NPSR1: variants seen among roughly 807,000 people sequenced by gnomAD.
NPSR1 encodes the protein neuropeptide S receptor.
NPSR1 carries 48 observed loss-of-function variants against 46.9 expected under a neutral mutation model. The observed-to-expected ratio is 1.02, with a 90% confidence interval of 0.81 to 1.30. NPSR1 has a LOEUF of 1.30. Ranked by LOEUF, NPSR1 falls within the 50% of genes most tolerant of loss-of-function variation. The pLI is 0.00. For missense variants in NPSR1, 450 were observed against 449.5 expected, an observed-to-expected ratio of 1.00 and a Z score of -0.01; for synonymous variants, 176 against 168.1, an observed-to-expected ratio of 1.05 and a Z score of -0.36.
rs1400081461 is a variant in NPSR1 at position 34,849,560 on chromosome 7, T to C, written c.1026-5T>C. The C allele has an allele frequency of 1.2e-6, 2 of 1,614,060 alleles. No individual in the cohort carries two copies. Among genetic ancestry groups the C allele is most frequent in the Non-Finnish European group, 1.7e-6 (2 of 1,179,896 alleles). On this transcript the variant is annotated splice_polypyrimidine_tract_variant and splice_region_variant and intron_variant, in intron 8 of 8. Transcript: ENST00000360581. Reference sequence around the variant, plus strand: ...CCCTCCCTGCTTTATTTTGACTTTCTCCAGGGAGCAAAGATCACAGGATTC... The same window carrying C: ...CCCTCCCTGCTTTATTTTGACTTTCCCCAGGGAGCAAAGATCACAGGATTC...
chr7:34,855,153 G>C (rs1000911171), intron 8 of NPSR1, among the ~76,000 whole-genome samples: 5 of 151,942 alleles, frequency 3.3e-5, no homozygotes, highest in Admixed American at 2.0e-4. Flanking sequence ...AAAGAAAAAA[G>C]AGAAGGATTA....
intron 3 of NPSR1, among the ~76,000 whole-genome samples, chr7:34,804,635 C>T (rs558650155): frequency 6.6e-6 from 1 of 151,614 alleles, no homozygotes; most frequent in East Asian, 2.0e-4. Flanking sequence ...TGTCCTCTCT[C>T]GCCACTCCCA....
At chr7:34,845,882 G>C (rs1235064472) in intron 7 of NPSR1, among the ~76,000 whole-genome samples, 2 of 152,074 alleles carry the variant, frequency 1.3e-5, no homozygotes, top group Non-Finnish European at 2.9e-5. Context: ...TTTTTATTTA[G>C]CTTAAATACC....
At chr7:34,660,716 A>G (rs1583751110) in intron 1 of NPSR1, among the ~76,000 whole-genome samples, 1 of 152,310 alleles carries the variant, frequency 6.6e-6, no homozygotes, top group Non-Finnish European at 1.5e-5. Flanking sequence ...TCTGTGAAGT[A>G]TCTCATTTAA....
At chr7:34,788,351 G>GA (rs1023166447) in intron 3 of NPSR1, among the ~76,000 whole-genome samples, 8 of 148,076 alleles carry the variant, frequency 5.4e-5, no homozygotes, top group South Asian at 2.1e-4. Flanking sequence ...TAGAAGAAAG[G>GA]AAAAAAAACA....
chr7:34,795,755 AG>A (rs1788143988), intron 3 of NPSR1, among the ~76,000 whole-genome samples: 1 of 152,168 alleles, frequency 6.6e-6, no homozygotes, highest in Non-Finnish European at 1.5e-5. Context: ...AAGTAATCAA[AG>A]AAAAACTAAA....
intron 6 of NPSR1, among the ~76,000 whole-genome samples, chr7:34,843,000 C>T (rs940181140): frequency 3.9e-5 from 6 of 152,160 alleles, no homozygotes; most frequent in African/African-American, 1.4e-4. Flanking sequence ...TCACTCTCTG[C>T]CTCCCACCTC....
intron 3 of NPSR1, among the ~76,000 whole-genome samples, chr7:34,788,506 G>T (rs906289154): frequency 3.3e-5 from 5 of 151,806 alleles, no homozygotes; most frequent in Non-Finnish European, 5.9e-5. Context: ...ATAGATGAGG[G>T]GTTGCTACAT....
intron 2 of NPSR1, among the ~76,000 whole-genome samples, chr7:34,722,243 C>G (rs1435320392): frequency 2.0e-5 from 3 of 151,906 alleles, no homozygotes; most frequent in Admixed American, 2.0e-4. Flanking sequence ...CTTATATGGA[C>G]AAAACATACC....
At chr7:34,798,694 C>T (rs35441532) in intron 3 of NPSR1, among the ~76,000 whole-genome samples, 18,622 of 152,034 alleles carry the variant, frequency 0.12, 1,431 homozygotes, top group Non-Finnish European at 0.17. Flanking sequence ...AACTTATATG[C>T]GATTTCCATC....
chr7:34,814,033 C>A (rs971780073), intron 4 of NPSR1, among the ~76,000 whole-genome samples: 1 of 152,184 alleles, frequency 6.6e-6, no homozygotes, highest in Non-Finnish European at 1.5e-5. Context: ...AACTGAGGTG[C>A]CTGGTTCATC....
At chr7:34,836,111 A>G (rs894584314) in intron 6 of NPSR1, among the ~76,000 whole-genome samples, 1 of 152,110 alleles carries the variant, frequency 6.6e-6, no homozygotes, top group Admixed American at 6.5e-5. Context: ...GCTTGGGGCT[A>G]ATTCCAGCCC....
Position 34,827,531 on chromosome 7 carries a change from C to T in NPSR1, c.609C>T (p.Asp203=), listed in dbSNP as rs150717138. The change falls in exon 5 of 9, where the codon GAC becomes GAT. Residue 203 remains aspartate (D), a synonymous_variant. Transcript: ENST00000360581. ...TGCAGTGCTGGGCCCTGTGGCCTGA[C>T]GACTCCTACTGGACCCCATACATGA... The part of the protein sequence containing the change: ...GEVQCWALWP[D]DSYWTPYMTI... 45 of 1,613,722 alleles carry T rather than the reference C, an allele frequency of 2.8e-5. No individual in the cohort carries two copies. Among genetic ancestry groups the T allele is most frequent in the South Asian group, 7.7e-5 (7 of 91,052 alleles).
At chr7:34,794,573 G>T (rs969549615) in intron 3 of NPSR1, among the ~76,000 whole-genome samples, 2 of 152,026 alleles carry the variant, frequency 1.3e-5, no homozygotes, top group African/African-American at 4.8e-5. Context: ...AAAGCATCAA[G>T]CCCAGATGGG....
intron 2 of NPSR1, among the ~76,000 whole-genome samples, chr7:34,712,356 T>G (rs997230288): frequency 4.6e-5 from 7 of 152,250 alleles, no homozygotes; most frequent in African/African-American, 9.6e-5. Context: ...GTTGTTGTGC[T>G]TTTCTATGCC....
At chr7:34,872,206 T>G (rs1186779033) in intron 8 of NPSR1, among the ~76,000 whole-genome samples, 1 of 151,980 alleles carries the variant, frequency 6.6e-6, no homozygotes, top group Non-Finnish European at 1.5e-5. Flanking sequence ...CCTCTAGAGC[T>G]GCAGCCCAAG....
intron 2 of NPSR1, among the ~76,000 whole-genome samples, chr7:34,762,884 A>C (rs1377077529): frequency 3.3e-5 from 5 of 152,198 alleles, no homozygotes; most frequent in Non-Finnish European, 2.9e-5. Flanking sequence ...TCTCAAGAAA[A>C]AGAGTTACTC....
At chr7:34,855,503 G>A (rs981002998) in intron 8 of NPSR1, among the ~76,000 whole-genome samples, 1 of 151,832 alleles carries the variant, frequency 6.6e-6, no homozygotes, top group African/African-American at 2.4e-5. Context: ...TAGATGAATG[G>A]GAAAACATAT....
chr7:34,701,772 A>G (rs886849919), intron 2 of NPSR1, among the ~76,000 whole-genome samples: 3 of 152,212 alleles, frequency 2.0e-5, no homozygotes, highest in African/African-American at 4.8e-5. Flanking sequence ...ACTAATAGGC[A>G]TTGTCAGGTA....
Sources: gnomAD v4.1 joint callset for allele counts (sites outside exome capture counted in the v4.1 genomes callset) on GRCh38, gnomAD v4.1.1 for gene constraint, MANE v1.5 for transcripts, NCBI Gene and HGNC (gene_info 2026-07-23, HGNC 2026-07-21) for gene names.